Variants in SPAG16 observed in about 807,000 individuals in gnomAD.
The protein encoded by SPAG16 is sperm-associated antigen 16 protein.
Under a neutral mutation model 80.4 loss-of-function variants are expected in SPAG16, and 86 were observed. That is an observed-to-expected ratio of 1.07 (90% CI 0.90 to 1.28). The LOEUF (loss-of-function observed/expected upper bound fraction) is 1.28. SPAG16 is among the 50% of genes most tolerant of loss of function. The probability of loss-of-function intolerance (pLI) is 0.00; values close to 1 mark genes in which losing one functional copy is unlikely to be tolerated. For missense variants in SPAG16, 870 were observed against 765.3 expected (o/e 1.14, Z -1.61); for synonymous variants, 294 against 265.9 (o/e 1.11, Z -1.03).
intron 9 of SPAG16, chr2:213,396,757 C>G: frequency 2.3e-6 from 1 of 427,486 alleles, no homozygotes; most frequent in South Asian, 1.7e-5. Flanking sequence ...AACAGGTGTT[C>G]CTGGCTTGTT....
chr2:213,847,504 C>A (rs926481092), intron 10 of SPAG16, among the ~76,000 whole-genome samples: 1 of 152,046 alleles, frequency 6.6e-6, no homozygotes, highest in African/African-American at 2.4e-5. Flanking sequence ...TTGAAACAAC[C>A]AGATCTCATG....
chr2:213,802,793 GTC>G (rs1026697861), intron 10 of SPAG16, among the ~76,000 whole-genome samples: 3 of 151,820 alleles, frequency 2.0e-5, no homozygotes, highest in East Asian at 1.9e-4. Flanking sequence ...TCTAACTTCT[GTC>G]TCTCTCTTTT....
rs945677135 is a variant in SPAG16, at chr2:213,387,599, C to T, written c.942+12480C>T. ...CCTCCCAAGTAGCTGGGACTACAGG[C>T]GCCCGCCACCACGCCCGGCTAATTT... On this transcript the variant is annotated intron_variant, in intron 9 of 15. Transcript: ENST00000331683. 7.5e-4 allele frequency among the ~76,000 whole-genome samples: 101 copies of T among 134,928 alleles called. 1 individual carries two copies. The highest frequency in any genetic ancestry group is 1.2e-3 in the Non-Finnish European group (76 of 64,054). 88.5% of individuals were successfully genotyped at this position (134,928 alleles called of 152,430 possible).
chr2:213,340,062 A>C, intron 5 of SPAG16, 101 bp from the exon 6 acceptor site: 1 of 702,392 alleles, frequency 1.4e-6, no homozygotes, highest in Non-Finnish European at 2.4e-6. Context: ...TTGTTTTCCT[A>C]TTATCTTTTG....
At chr2:214,074,355 T>G (rs533362431) in intron 13 of SPAG16, among the ~76,000 whole-genome samples, 13 of 152,326 alleles carry the variant, frequency 8.5e-5, no homozygotes, top group African/African-American at 2.6e-4. Context: ...CATATTCATA[T>G]GACAAGTAAT....
intron 10 of SPAG16, among the ~76,000 whole-genome samples, chr2:213,510,784 T>C (rs1275599123): frequency 6.6e-6 from 1 of 152,212 alleles, no homozygotes; most frequent in Admixed American, 6.5e-5. Flanking sequence ...ACATGTGTCA[T>C]ATAGTAAATA....
At chr2:213,979,880 GT>G (rs1169788840) in intron 12 of SPAG16, among the ~76,000 whole-genome samples, 2 of 151,916 alleles carry the variant, frequency 1.3e-5, no homozygotes, top group Non-Finnish European at 2.9e-5. Flanking sequence ...TTTTGAAATT[GT>G]CTATCTTTGC....
intron 7 of SPAG16, among the ~76,000 whole-genome samples, chr2:213,353,494 A>T (rs2065450311): frequency 1.3e-5 from 2 of 151,982 alleles, no homozygotes; most frequent in African/African-American, 4.8e-5. Context: ...AATATGAAGG[A>T]CTCTTTAAGG....
At chr2:214,013,667 A>G (rs1244959622) in intron 12 of SPAG16, among the ~76,000 whole-genome samples, 5 of 152,224 alleles carry the variant, frequency 3.3e-5, no homozygotes, top group Admixed American at 2.6e-4. Flanking sequence ...GATAATTTTT[A>G]TACTGTCATT....
At chr2:214,084,052 C>T (rs1383884858) in intron 13 of SPAG16, among the ~76,000 whole-genome samples, 1 of 151,814 alleles carries the variant, frequency 6.6e-6, no homozygotes, top group African/African-American at 2.4e-5. Flanking sequence ...TTGAGAAAAC[C>T]ATATAACATT....
intron 5 of SPAG16, among the ~76,000 whole-genome samples, chr2:213,326,856 C>G (rs924476334): frequency 1.3e-5 from 2 of 151,864 alleles, no homozygotes; most frequent in Non-Finnish European, 2.9e-5. Flanking sequence ...AATTATTTTA[C>G]CATGGATATT....
intron 7 of SPAG16, among the ~76,000 whole-genome samples, chr2:213,353,357 C>G (rs1325094209): frequency 6.6e-6 from 1 of 152,148 alleles, no homozygotes; most frequent in Non-Finnish European, 1.5e-5. Context: ...CTTCTGATTT[C>G]TCTATATTGG....
chr2:214,025,443 C>A (rs966003326), intron 13 of SPAG16, among the ~76,000 whole-genome samples: 1 of 151,624 alleles, frequency 6.6e-6, no homozygotes, highest in Non-Finnish European at 1.5e-5. Flanking sequence ...GTTATTCATT[C>A]TTTTATACAT....
intron 10 of SPAG16, among the ~76,000 whole-genome samples, chr2:213,548,091 T>C (rs2076670675): frequency 6.6e-6 from 1 of 152,250 alleles, no homozygotes; most frequent in Admixed American, 6.5e-5. Context: ...AATTACTGAA[T>C]GCAAGGGTCA....
intron 14 of SPAG16, among the ~76,000 whole-genome samples, chr2:214,126,413 A>G (rs754251160): frequency 6.6e-6 from 1 of 151,570 alleles, no homozygotes; most frequent in African/African-American, 2.4e-5. Context: ...GCCATACTTC[A>G]GGGTGTCGTG....
intron 11 of SPAG16, among the ~76,000 whole-genome samples, chr2:213,878,464 A>G (rs899014851): frequency 3.3e-5 from 5 of 151,928 alleles, no homozygotes; most frequent in African/African-American, 1.2e-4. Context: ...GAAAATATCT[A>G]TTCATTTTCT....
chr2:213,284,509 G>A lies in SPAG16; in HGVS notation c.26G>A (p.Ser9Asn), dbSNP rs752546147. The A allele has an allele frequency of 1.3e-6, 2 of 1,579,016 alleles. No homozygotes were observed. Among genetic ancestry groups the A allele is most frequent in the East Asian group, 2.3e-5 (1 of 43,104 alleles). The change falls in exon 1 of 16, where the codon AGC becomes AAC. Residue 9 changes from serine (S) to asparagine (N), a missense_variant. Physicochemically the swap from Ser to Asn is conservative, Grantham distance 46. Coordinates refer to ENST00000331683, the MANE Select transcript of SPAG16 (RefSeq NM_024532.5). Reference sequence around the variant, plus strand: ...ATGGCTGCTCAGCGAGGGATGCCCAGCTCCGCCGTGAGGGTCCTGGAAGAG... The same window carrying A: ...ATGGCTGCTCAGCGAGGGATGCCCAACTCCGCCGTGAGGGTCCTGGAAGAG... MAAQRGMP[S>N]SAVRVLEEAL...
intron 15 of SPAG16, among the ~76,000 whole-genome samples, chr2:214,231,128 C>T (rs1320766825): frequency 6.6e-6 from 1 of 151,924 alleles, no homozygotes; most frequent in Non-Finnish European, 1.5e-5. Context: ...GAATAACCAA[C>T]CATGTCCCAG....
intron 10 of SPAG16, among the ~76,000 whole-genome samples, chr2:213,792,198 G>C (rs1315544524): frequency 6.6e-6 from 1 of 152,196 alleles, no homozygotes; most frequent in Non-Finnish European, 1.5e-5. Flanking sequence ...ATAGTATTAA[G>C]TACATAAAAT....
Sources: gnomAD v4.1 joint callset for allele counts (sites outside exome capture counted in the v4.1 genomes callset) on GRCh38, gnomAD v4.1.1 for gene constraint, MANE v1.5 for transcripts, NCBI Gene and HGNC (gene_info 2026-07-23, HGNC 2026-07-21) for gene names.